SNX29: variants seen among roughly 807,000 people sequenced by gnomAD.
SNX29 encodes the protein sorting nexin 29.
In SNX29, 78 loss-of-function variants were observed where a neutral mutation model predicts 102.1. The observed-to-expected ratio is 0.76, with a 90% CI of 0.64 to 0.92. The LOEUF is 0.92. Among genes scored for constraint, SNX29 ranks in the 40% least tolerant of loss-of-function variants. The probability of loss-of-function intolerance (pLI) is 0.00; values close to 1 mark genes in which losing one functional copy is unlikely to be tolerated. For synonymous variants in SNX29, 580 were observed against 414.5 expected (o/e 1.40, Z -4.85); for missense variants, 1,280 against 1,061.7 (o/e 1.21, Z -2.86).
chr16:12,059,051 G>A (rs1040264273), intron 8 of SNX29, among the ~76,000 whole-genome samples: 1 of 152,042 alleles, frequency 6.6e-6, no homozygotes, highest in Non-Finnish European at 1.5e-5. Flanking sequence ...TTATAAATGT[G>A]AGCCACTGGC....
At chr16:12,551,125 A>G (rs934839265) in intron 20 of SNX29, among the ~76,000 whole-genome samples, 2 of 152,158 alleles carry the variant, frequency 1.3e-5, no homozygotes, top group Non-Finnish European at 2.9e-5. Flanking sequence ...ATAATGGAAC[A>G]GTGGTCCACA....
At chr16:12,408,085 G>C (rs1309520417) in intron 18 of SNX29, among the ~76,000 whole-genome samples, 12 of 151,884 alleles carry the variant, frequency 7.9e-5, no homozygotes, top group Admixed American at 7.9e-4. Flanking sequence ...CTGAGCCCAG[G>C]AGTTTGAGAT....
chr16:12,302,042 A>G (rs915404394), intron 15 of SNX29, among the ~76,000 whole-genome samples: 4 of 152,224 alleles, frequency 2.6e-5, no homozygotes, highest in East Asian at 1.9e-4. Context: ...TCAATTCACA[A>G]TGAAGGAAAT....
chr16:12,048,284 G>A (rs1447891209), intron 6 of SNX29, 88 bp from the exon 7 acceptor site: 1 of 1,586,856 alleles, frequency 6.3e-7, no homozygotes, highest in Non-Finnish European at 8.6e-7. Context: ...CTCCTCTTCT[G>A]TACTCTGTTG....
intron 14 of SNX29, among the ~76,000 whole-genome samples, chr16:12,276,924 C>A (rs77060065): frequency 6.6e-6 from 1 of 152,158 alleles, no homozygotes; most frequent in East Asian, 1.9e-4. Flanking sequence ...TGTTGGTTTC[C>A]GAGTTTTTCT....
intron 20 of SNX29, among the ~76,000 whole-genome samples, chr16:12,545,863 G>A (rs1451441796): frequency 6.6e-6 from 1 of 152,154 alleles, no homozygotes; most frequent in Non-Finnish European, 1.5e-5. Context: ...TCCTTGAGAG[G>A]GTGAGCCTAA....
intron 16 of SNX29, among the ~76,000 whole-genome samples, chr16:12,388,408 A>G (rs1311455858): frequency 6.6e-6 from 1 of 152,162 alleles, no homozygotes; most frequent in Non-Finnish European, 1.5e-5. Flanking sequence ...GCCTCTTTTG[A>G]TTCTCAAGCC....
At chr16:12,202,504 T>G (rs2076937559) in intron 14 of SNX29, among the ~76,000 whole-genome samples, 1 of 152,218 alleles carries the variant, frequency 6.6e-6, no homozygotes. Context: ...TCCTCCAGCA[T>G]TAGAACCTTG....
intron 14 of SNX29, among the ~76,000 whole-genome samples, chr16:12,211,373 T>C (rs1179023971): frequency 6.6e-6 from 1 of 152,230 alleles, no homozygotes; most frequent in East Asian, 1.9e-4. Flanking sequence ...GCTCTGTTCA[T>C]TGGGTACCTG....
At chr16:12,539,575 A>C (rs530311765) in intron 20 of SNX29, among the ~76,000 whole-genome samples, 2 of 152,160 alleles carry the variant, frequency 1.3e-5, no homozygotes, top group African/African-American at 4.8e-5. Flanking sequence ...GTGTGAACAA[A>C]AGTTTTCATT....
intron 5 of SNX29, among the ~76,000 whole-genome samples, chr16:12,045,881 C>A (rs889356470): frequency 1.3e-5 from 2 of 152,022 alleles, no homozygotes; most frequent in Non-Finnish European, 2.9e-5. Flanking sequence ...CCCCTGGCCT[C>A]CTAAAGTGCT....
At chr16:12,081,352 C>A (rs2051864427) in intron 11 of SNX29, 1 of 152,240 alleles carries the variant, frequency 6.6e-6, no homozygotes, top group East Asian at 1.9e-4. Context: ...GCACCTAGCC[C>A]TTTTGGAAGT....
chr16:12,314,965 G>A (rs903739503), intron 15 of SNX29, among the ~76,000 whole-genome samples: 2 of 152,184 alleles, frequency 1.3e-5, no homozygotes, highest in Non-Finnish European at 2.9e-5. Context: ...AATGGATGTG[G>A]TATTAGCAAA....
chr16:12,118,336 T>TTTTTTTA (rs1555464077), intron 11 of SNX29, among the ~76,000 whole-genome samples: 2 of 145,358 alleles, frequency 1.4e-5, no homozygotes, highest in African/African-American at 2.6e-5. Flanking sequence ...TTTTTTTTTT[T>TTTTTTTA]ATGAGATGGA....
intron 3 of SNX29, among the ~76,000 whole-genome samples, chr16:12,025,652 T>C (rs2151111384): frequency 6.6e-6 from 1 of 152,318 alleles, no homozygotes; most frequent in East Asian, 1.9e-4. Flanking sequence ...TGGCCTACAA[T>C]GCTGGGATCG....
At chr16:12,031,237 A>T (rs925137822) in intron 4 of SNX29, among the ~76,000 whole-genome samples, 2 of 151,486 alleles carry the variant, frequency 1.3e-5, no homozygotes, top group Non-Finnish European at 2.9e-5. Context: ...CACGCTGCCT[A>T]ATTTTTGTAT....
chr16:12,440,959 C>G (rs2085772995), intron 18 of SNX29, among the ~76,000 whole-genome samples: 2 of 152,162 alleles, frequency 1.3e-5, no homozygotes, highest in East Asian at 3.8e-4. Flanking sequence ...AGATTTTTCT[C>G]TAGATCTGCC....
intron 18 of SNX29, among the ~76,000 whole-genome samples, chr16:12,407,380 G>A (rs2084209515): frequency 6.6e-6 from 1 of 151,222 alleles, no homozygotes; most frequent in African/African-American, 2.4e-5. Flanking sequence ...TTATGTCACA[G>A]AATTCTATTT....
At chr16:12,197,728 A>G (rs989162175) in intron 13 of SNX29, among the ~76,000 whole-genome samples, 10 of 152,330 alleles carry the variant, frequency 6.6e-5, no homozygotes, top group African/African-American at 2.4e-4. Context: ...CATCCATGAC[A>G]GGCTTTGTCT....
Sources: gnomAD v4.1 joint callset for allele counts (sites outside exome capture counted in the v4.1 genomes callset) on GRCh38, gnomAD v4.1.1 for gene constraint, MANE v1.5 for transcripts, NCBI Gene and HGNC (gene_info 2026-07-23, HGNC 2026-07-21) for gene names.